The following ITGAM variants were observed in gnomAD, a reference collection of about 807,000 sequenced individuals.
ITGAM encodes integrin alpha-M.
In ITGAM, 79 loss-of-function variants were observed where a neutral mutation model predicts 137.5. The ratio of observed to expected loss-of-function variants is 0.57; its 90% CI spans 0.48 to 0.69. ITGAM has a LOEUF of 0.69. Ranked by LOEUF, ITGAM falls within the 30% of genes least tolerant of loss-of-function variation. The pLI is 0.00. For missense variants in ITGAM, 1,343 were observed against 1,483.5 expected (o/e 0.91, Z 1.56); for synonymous variants, 583 against 592.3 (o/e 0.98, Z 0.23).
intron 12 of ITGAM, among the ~76,000 whole-genome samples, chr16:31,297,062 T>C (rs1381369672): frequency 1.3e-5 from 2 of 152,218 alleles, no homozygotes; most frequent in Non-Finnish European, 2.9e-5. Flanking sequence ...CCCAAATTCT[T>C]CTTTGCTGCC....
At chr16:31,328,924 G>A in intron 23 of ITGAM, 1 of 501,956 alleles carries the variant, frequency 2.0e-6, no homozygotes. Context: ...GAGGATCTAT[G>A]TGCATGTATG....
At chr16:31,287,781 A>C (rs2080044273) in intron 12 of ITGAM, among the ~76,000 whole-genome samples, 1 of 152,152 alleles carries the variant, frequency 6.6e-6, no homozygotes. Context: ...CTCTAAACAC[A>C]TACTGGCCAT....
At chr16:31,296,128 A>T in intron 12 of ITGAM, among the ~76,000 whole-genome samples, 1 of 143,924 alleles carries the variant, frequency 6.9e-6, no homozygotes. Context: ...TTTTTTTAAC[A>T]GAGTCTCTCT....
intron 23 of ITGAM, 149 bp from the exon 24 acceptor site, chr16:31,329,074 CCCCCA>C: frequency 2.5e-4 from 62 of 249,198 alleles, no homozygotes; most frequent in Middle Eastern, 1.2e-3. Context: ...CACATTGGTT[CCCCCA>C]TCCCCCTGCA....
chr16:31,315,679 G>A (rs967992578), intron 14 of ITGAM, among the ~76,000 whole-genome samples: 2 of 151,558 alleles, frequency 1.3e-5, no homozygotes, highest in Non-Finnish European at 2.9e-5. Flanking sequence ...GGCTGGTCTT[G>A]AACTCCTGAT....
intron 14 of ITGAM, among the ~76,000 whole-genome samples, chr16:31,309,410 C>T (rs1021621109): frequency 1.6e-5 from 2 of 127,514 alleles, no homozygotes; most frequent in Non-Finnish European, 3.2e-5. Context: ...TATGTAATGG[C>T]CTTCTTTGTC....
At chr16:31,291,216 A>C (rs1356618424) in intron 12 of ITGAM, among the ~76,000 whole-genome samples, 1 of 152,170 alleles carries the variant, frequency 6.6e-6, no homozygotes. Context: ...CATGTACCAC[A>C]TTTTCTTTAT....
At chr16:31,278,142 A>G (rs1187345306) in intron 12 of ITGAM, 33 bp downstream of exon 12, 1 of 1,583,474 alleles carries the variant, frequency 6.3e-7, no homozygotes, top group South Asian at 1.2e-5. Context: ...GAATGTGCAA[A>G]CAGAGGCGCC....
At chr16:31,304,096 C>A (rs1372756316) in intron 14 of ITGAM, among the ~76,000 whole-genome samples, 1 of 152,070 alleles carries the variant, frequency 6.6e-6, no homozygotes, top group Non-Finnish European at 1.5e-5. Context: ...GTAAAAGTGT[C>A]CCCTTTTCAT....
At chr16:31,283,403 AG>A (rs1255321912) in intron 12 of ITGAM, among the ~76,000 whole-genome samples, 1 of 152,134 alleles carries the variant, frequency 6.6e-6, no homozygotes, top group Non-Finnish European at 1.5e-5. Context: ...TATTTCTTGG[AG>A]GCTTTGTTCA....
In ITGAM at chr16:31,332,108, G is replaced by A. The variant is rs41476945; in HGVS notation, c.*401G>A. The A allele has an allele frequency of 3.1e-3, 568 of 183,060 alleles. 4 individuals carry two copies. The highest frequency in any genetic ancestry group is 0.012 in the African/African-American group (529 of 42,652). The allele number at this position is 183,060 out of a possible 1,614,324, so 11.3% of individuals were successfully genotyped here. A position where few individuals can be genotyped will look rare whatever the true frequency, so the allele number is the denominator to read the frequency against. Reference sequence around the variant, plus strand: ...TAGGTGACGGCAGCGTAGCCTCTCCGGCAGAAGGGAACTGCCTGGGCTCCC... The same window carrying A: ...TAGGTGACGGCAGCGTAGCCTCTCCAGCAGAAGGGAACTGCCTGGGCTCCC... On this transcript the variant is annotated 3_prime_UTR_variant, in exon 30 of 30. Transcript: ENST00000544665.
At chr16:31,329,980 G>C (rs911138903) in intron 25 of ITGAM, 75 bp downstream of exon 25, 2 of 1,532,382 alleles carry the variant, frequency 1.3e-6, no homozygotes, top group African/African-American at 2.7e-5. Context: ...TTGGGTTTTA[G>C]AGCCGCTCCG....
chr16:31,332,064 G>A lies in ITGAM; in HGVS notation c.*357G>A. ...GCGTGTGGCTCACGTGTGTGACTCAGATGTCTCTGGCGTGTGGGTAGGTGA... is the reference window on the plus strand; with the variant it reads ...GCGTGTGGCTCACGTGTGTGACTCAAATGTCTCTGGCGTGTGGGTAGGTGA... On this transcript the variant is annotated 3_prime_UTR_variant, in exon 30 of 30. Coordinates refer to ENST00000544665, the MANE Select transcript of ITGAM (RefSeq NM_000632.4). 4.1e-6 allele frequency: 1 copy of A among 244,222 alleles called. No individual in the cohort carries two copies. The highest frequency in any genetic ancestry group is 8.0e-6 in the Non-Finnish European group (1 of 125,786). 15.1% of individuals were successfully genotyped at this position (244,222 alleles called of 1,614,324 possible). A position where few individuals can be genotyped will look rare whatever the true frequency, so the allele number is the denominator to read the frequency against.
At chr16:31,268,134 G>T (rs1313037895) in intron 5 of ITGAM, among the ~76,000 whole-genome samples, 1 of 151,946 alleles carries the variant, frequency 6.6e-6, no homozygotes, top group Non-Finnish European at 1.5e-5. Flanking sequence ...CACCACCCAA[G>T]CTTCCTGAGT....
At position 31,331,263 on chromosome 16, in the gene ITGAM, CGCGCTGTACAAGGTGCTCCCCGCT is replaced by C. The variant is rs768373924; in HGVS notation, c.3378_3387+14del. On this transcript the variant is annotated splice_donor_variant and splice_donor_5th_base_variant and coding_sequence_variant and intron_variant, in exon 29 of 30. Coordinates refer to ENST00000544665, the MANE Select transcript of ITGAM (RefSeq NM_000632.4). LOFTEE classifies it high-confidence loss of function. ...TGCTGCTCCTGGCCCTCATCACCGC[CGCGCTGTACAAGGTGCTCCCCGCT>C]GCTCCCCCACCCCCTCCCTTCATCC... 1 of 1,609,078 alleles carries C rather than the reference CGCGCTGTACAAGGTGCTCCCCGCT, an allele frequency of 6.2e-7. No homozygotes were observed.
At chr16:31,277,143 C>T (rs1374687023) in intron 11 of ITGAM, 94 bp downstream of exon 11, 3 of 1,085,964 alleles carry the variant, frequency 2.8e-6, no homozygotes, top group Non-Finnish European at 2.6e-6. Flanking sequence ...GAATGGGATA[C>T]ATATGTATGG....
At position 31,271,095 on chromosome 16, in the gene ITGAM, AG is replaced by A; in HGVS notation, c.558+15del. The stretch of plus-strand genomic sequence containing the variant: ...AAGTCCAAAACCTTGGTGAGGGCCC[AG>A]GGGTAGGTTAGGGAAGAGCCCACAC... On this transcript the variant is annotated intron_variant, in intron 6 of 29. Coordinates refer to ENST00000544665, the MANE Select transcript of ITGAM (RefSeq NM_000632.4). 6.4e-7 allele frequency: 1 copy of A among 1,550,714 alleles called. No individual in the cohort carries two copies.
At position 31,324,429 on chromosome 16, in the gene ITGAM, T is replaced by G. The variant is rs1434513816; in HGVS notation, c.2033T>G (p.Leu678Arg). Residue 678 changes from leucine (L) to arginine (R), a missense_variant, in exon 17 of 30, where the codon CTG becomes CGG. Transcript: ENST00000544665. This position sits in a 1 kb window ranked among gnomAD's most constrained non-coding sequence, Gnocchi z 4.5. ...GQIQSVVTYDLALDSGRPHSR... is the reference protein window; with the variant it reads ...GQIQSVVTYDRALDSGRPHSR... ...ATCCAGAGTGTTGTGACTTATGACCTGGCTCTGGACTCCGGCCGCCCACAT... is the reference window on the plus strand; with the variant it reads ...ATCCAGAGTGTTGTGACTTATGACCGGGCTCTGGACTCCGGCCGCCCACAT... 1 of 1,553,292 alleles carries G rather than the reference T, an allele frequency of 6.4e-7. No homozygotes were observed. The highest frequency in any genetic ancestry group is 2.0e-5 in the Admixed American group (1 of 51,066).
At chr16:31,298,227 A>AAG in intron 14 of ITGAM, among the ~76,000 whole-genome samples, 1 of 150,714 alleles carries the variant, frequency 6.6e-6, no homozygotes, top group African/African-American at 2.5e-5. Context: ...AAAAAAAAAA[A>AAG]ATTAGCCAGG....
Sources: gnomAD v4.1 joint callset for allele counts (sites outside exome capture counted in the v4.1 genomes callset) on GRCh38, gnomAD v4.1.1 for gene constraint, Gnocchi (gnomAD v3.1) non-coding constraint, MANE v1.5 for transcripts, NCBI Gene and HGNC (gene_info 2026-07-23, HGNC 2026-07-21) for gene names.